The following KLF3 variants were observed in gnomAD, a reference collection of about 807,000 sequenced individuals.
The protein encoded by KLF3 is KLF transcription factor 3, also known as Krueppel-like factor 3.
Under a neutral mutation model 32.7 loss-of-function variants are expected in KLF3, and 6 were observed. That is an observed-to-expected ratio of 0.18 (90% CI 0.10 to 0.36). The LOEUF is 0.36. Among genes scored for constraint, KLF3 ranks in the 10% least tolerant of loss-of-function variants. The probability of loss-of-function intolerance (pLI) is 1.00; values close to 1 mark genes in which losing one functional copy is unlikely to be tolerated. For missense variants in KLF3, 338 were observed against 449.7 expected, an observed-to-expected ratio of 0.75 and a Z score of 2.25; for synonymous variants, 145 against 172.8, an observed-to-expected ratio of 0.84 and a Z score of 1.26.
chr4:38,691,682 A>G (rs1404508966), intron 4 of KLF3, among the ~76,000 whole-genome samples: 1 of 152,240 alleles, frequency 6.6e-6, no homozygotes, highest in East Asian at 1.9e-4. Flanking sequence ...TTAATGATTA[A>G]TGAGTAATAT....
In KLF3 at chr4:38,688,457, G is replaced by A. The variant is rs751704012; in HGVS notation, c.58-128G>A. 2.2e-5 allele frequency: 21 copies of A among 942,734 alleles called. No individual in the cohort carries two copies. Among genetic ancestry groups the A allele is most frequent in the Middle Eastern group, 6.9e-4 (2 of 2,908 alleles). 58.4% of individuals were successfully genotyped at this position (942,734 alleles called of 1,614,324 possible). On this transcript the variant is annotated intron_variant, in intron 2 of 5. Transcript: ENST00000261438. This position sits in a 1 kb window ranked among gnomAD's most constrained non-coding sequence, Gnocchi z 4.9. ...ATTTTTTTAAGGTCACATATATATC[G>A]AAATCTAAACTATTTTGTAAAGCCC...
Position 38,688,432 on chromosome 4 carries a change from AT to A in KLF3, c.58-146del, listed in dbSNP as rs35497959. Among the ~76,000 whole-genome samples the A allele has an allele frequency of 7.9e-5, 12 of 152,246 alleles. No homozygotes were observed. The South Asian group carries it at 1.5e-3, about 18-fold the overall frequency. ...TAATGTTGAGACCACCTCTTTGAGCATTTTTTTAAGGTCACATATATATCGA... is the reference window on the plus strand; with the variant it reads ...TAATGTTGAGACCACCTCTTTGAGCATTTTTTAAGGTCACATATATATCGA... On this transcript the variant is annotated intron_variant, in intron 2 of 5. Coordinates refer to ENST00000261438, the MANE Select transcript of KLF3 (RefSeq NM_016531.6). This position sits in a 1 kb window ranked among gnomAD's most constrained non-coding sequence, Gnocchi z 4.9.
At chr4:38,694,628 A>G (rs1722996088) in intron 4 of KLF3, 118 bp from the exon 5 acceptor site, 1 of 896,424 alleles carries the variant, frequency 1.1e-6, no homozygotes, top group African/African-American at 1.7e-5. Context: ...CTTTTTGTTT[A>G]TTTTGTTGGG....
intron 2 of KLF3, among the ~76,000 whole-genome samples, chr4:38,687,780 TAAG>T (rs1049901991): frequency 6.6e-6 from 1 of 152,184 alleles, no homozygotes; most frequent in Admixed American, 6.5e-5. Flanking sequence ...AGATTCTGAA[TAAG>T]AACACTGAGC....
chr4:38,693,019 A>G (rs1722917640), intron 4 of KLF3, among the ~76,000 whole-genome samples: 1 of 148,060 alleles, frequency 6.8e-6, no homozygotes, highest in African/African-American at 2.5e-5. Context: ...CTGTCTGTAA[A>G]CCTCTCACTT....
intron 1 of KLF3, among the ~76,000 whole-genome samples, chr4:38,670,627 C>T (rs947717475): frequency 6.6e-6 from 1 of 152,182 alleles, no homozygotes; most frequent in African/African-American, 2.4e-5. Context: ...TTTGTAAGAT[C>T]GAGTTCCTGT....
chr4:38,682,009 C>T (rs73134269), intron 2 of KLF3, among the ~76,000 whole-genome samples: 1 of 152,200 alleles, frequency 6.6e-6, no homozygotes, highest in Non-Finnish European at 1.5e-5. Context: ...ACTGAATAAC[C>T]AAGTGTCTGA....
Position 38,701,398 on chromosome 4 carries a change from G to T in KLF3, c.*4135G>T, listed in dbSNP as rs1318142448. Among the ~76,000 whole-genome samples the T allele has an allele frequency of 6.6e-6, 1 of 152,156 alleles. No individual in the cohort carries two copies. The highest frequency in any genetic ancestry group is 2.4e-5 in the African/African-American group (1 of 41,448). On this transcript the variant is annotated 3_prime_UTR_variant, in exon 6 of 6. Coordinates refer to ENST00000261438, the MANE Select transcript of KLF3 (RefSeq NM_016531.6). ...GAACTTGCAGCATTTTGTATTAAAAGACGCATGTGTATAATACTTTAAACT... is the reference window on the plus strand; with the variant it reads ...GAACTTGCAGCATTTTGTATTAAAATACGCATGTGTATAATACTTTAAACT...
chr4:38,697,033 A>G, intron 5 of KLF3, 49 bp from the exon 6 acceptor site: 3 of 1,464,138 alleles, frequency 2.0e-6, no homozygotes, highest in Non-Finnish European at 2.8e-6. Flanking sequence ...AAAGATCTTT[A>G]CTACCTTTAC....
intron 4 of KLF3, among the ~76,000 whole-genome samples, chr4:38,691,528 C>A (rs565793231): frequency 1.3e-5 from 2 of 152,258 alleles, no homozygotes; most frequent in Admixed American, 6.5e-5. Flanking sequence ...AAGTGTTATT[C>A]CAAAGTCTGG....
chr4:38,683,399 A>C lies in KLF3; in HGVS notation c.57+2717A>C, dbSNP rs541648929. On this transcript the variant is annotated intron_variant, in intron 2 of 5. Coordinates refer to ENST00000261438, the MANE Select transcript of KLF3 (RefSeq NM_016531.6). ...CCCTCTTAATCAAATATAAGCCCTC[A>C]TACTGTTCTCCACTAGCCTTGTGCT... Among the ~76,000 whole-genome samples, 8 of 152,238 alleles carry C rather than the reference A, an allele frequency of 5.3e-5. No individual in the cohort carries two copies. The East Asian group carries it at 1.3e-3, about 26-fold the overall frequency.
At chr4:38,691,289 C>T (rs1334249685) in intron 4 of KLF3, among the ~76,000 whole-genome samples, 1 of 152,176 alleles carries the variant, frequency 6.6e-6, no homozygotes, top group Non-Finnish European at 1.5e-5. Flanking sequence ...CTTGTCATAT[C>T]CAACCCATTG....
rs1723187176 is a variant in KLF3 at position 38,701,389 on chromosome 4, G to A, written c.*4126G>A. 6.7e-6 allele frequency among the ~76,000 whole-genome samples: 1 copy of A among 149,732 alleles called. No individual in the cohort carries two copies. The highest frequency in any genetic ancestry group is 1.5e-5 in the Non-Finnish European group (1 of 67,204). The stretch of plus-strand genomic sequence containing the variant: ...TTCCAAAAAGAACTTGCAGCATTTT[G>A]TATTAAAAGACGCATGTGTATAATA... On this transcript the variant is annotated 3_prime_UTR_variant, in exon 6 of 6. Transcript: ENST00000261438.
At chr4:38,669,665 G>T (rs1156447227) in intron 1 of KLF3, among the ~76,000 whole-genome samples, 3 of 151,944 alleles carry the variant, frequency 2.0e-5, no homozygotes, top group East Asian at 3.9e-4. Context: ...GGCCGAAGTG[G>T]GTGGATCACC....
In KLF3 at chr4:38,689,891, T is replaced by TA; in HGVS notation, c.695+13dup. ...GCATTGTTGCAAGAGTAAGTATATT[T>TA]AGGTCTACCCAGCATTTGCATAGTA... is the stretch of plus-strand genomic sequence containing the variant. On this transcript the variant is annotated intron_variant, in intron 4 of 5. Coordinates refer to ENST00000261438, the MANE Select transcript of KLF3 (RefSeq NM_016531.6). 1 of 1,460,774 alleles carries TA rather than the reference T, an allele frequency of 6.8e-7. No homozygotes were observed. The highest frequency in any genetic ancestry group is 1.2e-5 in the South Asian group (1 of 86,456). 90.5% of individuals were successfully genotyped at this position (1,460,774 alleles called of 1,614,324 possible).
chr4:38,666,161 C>G (rs950454273), intron 1 of KLF3, among the ~76,000 whole-genome samples: 28 of 152,082 alleles, frequency 1.8e-4, no homozygotes, highest in African/African-American at 6.8e-4. Context: ...AATGATGATA[C>G]ATTGTAAAGA....
At chr4:38,683,636 T>C (rs1480662654) in intron 2 of KLF3, among the ~76,000 whole-genome samples, 4 of 152,096 alleles carry the variant, frequency 2.6e-5, no homozygotes, top group Non-Finnish European at 4.4e-5. Flanking sequence ...ATAAATTTTT[T>C]TTTTTACCAT....
At position 38,688,443 on chromosome 4, in the gene KLF3, G is replaced by A; in HGVS notation, c.58-142G>A. 1 of 813,120 alleles carries A rather than the reference G, an allele frequency of 1.2e-6. No homozygotes were observed. The highest frequency in any genetic ancestry group is 1.9e-5 in the South Asian group (1 of 52,612). 50.4% of individuals were successfully genotyped at this position (813,120 alleles called of 1,614,324 possible). A position where few individuals can be genotyped will look rare whatever the true frequency, so the allele number is the denominator to read the frequency against. On this transcript the variant is annotated intron_variant, in intron 2 of 5. Coordinates refer to ENST00000261438, the MANE Select transcript of KLF3 (RefSeq NM_016531.6). This position sits in a 1 kb window ranked among gnomAD's most constrained non-coding sequence, Gnocchi z 4.9. ...CCACCTCTTTGAGCATTTTTTTAAG[G>A]TCACATATATATCGAAATCTAAACT...
intron 2 of KLF3, among the ~76,000 whole-genome samples, chr4:38,685,858 TC>T (rs761677270): frequency 2.6e-5 from 4 of 152,206 alleles, no homozygotes; most frequent in Non-Finnish European, 5.9e-5. Context: ...ATTTAATTAC[TC>T]CCTGAAACCC....
Sources: allele counts gnomAD v4.1 joint callset (sites outside exome capture counted in the v4.1 genomes callset), GRCh38; gene constraint gnomAD v4.1.1; non-coding constraint Gnocchi (gnomAD v3.1); transcripts MANE v1.5; gene names NCBI Gene and HGNC (gene_info 2026-07-23, HGNC 2026-07-21).